The following SHISA9 variants were observed in gnomAD, a reference collection of about 807,000 sequenced individuals.
The protein encoded by SHISA9 is shisa family member 9.
A neutral mutation model predicts 38.0 loss-of-function variants in SHISA9; 13 were observed. That is an observed-to-expected ratio of 0.34 (90% CI 0.22 to 0.54). SHISA9 has a LOEUF of 0.54. SHISA9 is among the 20% of genes least tolerant of loss of function. The pLI, the probability that SHISA9 is intolerant of heterozygous loss-of-function variation, is 0.91. For synonymous variants in SHISA9, 275 were observed against 242.0 expected, an observed-to-expected ratio of 1.14 and a Z score of -1.27; for missense variants, 538 against 575.8, an observed-to-expected ratio of 0.93 and a Z score of 0.67.
At chr16:13,387,153 G>A in the SHISA9 span, among the ~76,000 whole-genome samples, 2 of 152,132 alleles carry the variant, frequency 1.3e-5, no homozygotes, top group Admixed American at 6.5e-5. Context: ...TTTGCAACCA[G>A]CACCATGACT....
At chr16:13,428,404 G>C in the SHISA9 span, among the ~76,000 whole-genome samples, 5 of 152,104 alleles carry the variant, frequency 3.3e-5, no homozygotes, top group Non-Finnish European at 5.9e-5. Flanking sequence ...AGCTGTCAAG[G>C]GCTGGCTTGT....
the SHISA9 span, among the ~76,000 whole-genome samples, chr16:13,512,210 A>G: frequency 6.6e-6 from 1 of 152,172 alleles, no homozygotes; most frequent in African/African-American, 2.4e-5. Context: ...CTAAAATCAC[A>G]GTATCTGATA....
the SHISA9 span, among the ~76,000 whole-genome samples, chr16:13,439,307 C>T: frequency 3.9e-5 from 6 of 152,246 alleles, no homozygotes; most frequent in South Asian, 4.1e-4. Context: ...TAAGGTACAG[C>T]ATGGTGGCTC....
the SHISA9 span, among the ~76,000 whole-genome samples, chr16:13,296,833 G>A: frequency 7.8e-6 from 1 of 128,438 alleles, no homozygotes; most frequent in Non-Finnish European, 1.6e-5. Context: ...GGAGGTTGCA[G>A]TGAGCTGAGA....
chr16:12,916,191 T>G (rs1405385028), intron 1 of SHISA9, among the ~76,000 whole-genome samples: 1 of 152,192 alleles, frequency 6.6e-6, no homozygotes, highest in Non-Finnish European at 1.5e-5. Flanking sequence ...CTTTGTTTAC[T>G]TATCTGCAAG....
chr16:13,559,409 G>C, the SHISA9 span, among the ~76,000 whole-genome samples: 1 of 146,314 alleles, frequency 6.8e-6, no homozygotes, highest in African/African-American at 2.6e-5. Flanking sequence ...AGACATTCTC[G>C]CTCTGTCACC....
chr16:13,180,625 G>A (rs2142030589), intron 2 of SHISA9, among the ~76,000 whole-genome samples: 1 of 152,280 alleles, frequency 6.6e-6, no homozygotes, highest in Non-Finnish European at 1.5e-5. Context: ...TTGAACCCAG[G>A]AGTTTGAGGC....
At chr16:12,950,393 T>TC (rs1452283378) in intron 2 of SHISA9, among the ~76,000 whole-genome samples, 3 of 152,122 alleles carry the variant, frequency 2.0e-5, no homozygotes, top group Non-Finnish European at 4.4e-5. Flanking sequence ...GCAGTGGGAT[T>TC]CCCCCGGGAA....
At chr16:13,432,306 T>C in the SHISA9 span, among the ~76,000 whole-genome samples, 1 of 152,300 alleles carries the variant, frequency 6.6e-6, no homozygotes, top group Admixed American at 6.5e-5. Context: ...CCAGGAACAC[T>C]GGGCAGGTGA....
At chr16:13,526,649 G>C in the SHISA9 span, among the ~76,000 whole-genome samples, 1 of 152,148 alleles carries the variant, frequency 6.6e-6, no homozygotes, top group African/African-American at 2.4e-5. Context: ...GCCTCCCAAA[G>C]TGCTGGGATT....
At chr16:13,132,167 G>A (rs2050311822) in intron 2 of SHISA9, among the ~76,000 whole-genome samples, 2 of 152,248 alleles carry the variant, frequency 1.3e-5, no homozygotes, top group African/African-American at 2.4e-5. Flanking sequence ...GCAGACAATC[G>A]AGGTGTGAAT....
the SHISA9 span, among the ~76,000 whole-genome samples, chr16:13,414,067 A>T: frequency 1.3e-5 from 2 of 152,138 alleles, no homozygotes; most frequent in African/African-American, 4.8e-5. Context: ...AGTCCTTCTG[A>T]TGGTCTTTTC....
the SHISA9 span, among the ~76,000 whole-genome samples, chr16:13,394,928 GGT>G: frequency 0.09 from 12,511 of 139,320 alleles, 545 homozygotes; most frequent in African/African-American, 0.12. Context: ...CAGTATCTGG[GGT>G]GTGTGTGTGT....
At chr16:13,063,170 C>T (rs2073396071) in intron 2 of SHISA9, among the ~76,000 whole-genome samples, 1 of 152,100 alleles carries the variant, frequency 6.6e-6, no homozygotes, top group Non-Finnish European at 1.5e-5. Context: ...CCACACCCGG[C>T]TACATTTTTG....
the SHISA9 span, among the ~76,000 whole-genome samples, chr16:13,482,289 C>T: frequency 2.0e-5 from 3 of 152,244 alleles, no homozygotes; most frequent in Non-Finnish European, 4.4e-5. Flanking sequence ...GTCTTGCAGC[C>T]TTCTCCATAC....
intron 2 of SHISA9, among the ~76,000 whole-genome samples, chr16:13,064,390 C>T (rs1193264985): frequency 6.6e-6 from 1 of 152,128 alleles, no homozygotes; most frequent in African/African-American, 2.4e-5. Flanking sequence ...GAATAGAACA[C>T]ATGAGATCAG....
intron 2 of SHISA9, among the ~76,000 whole-genome samples, chr16:13,088,385 A>G (rs2073737361): frequency 6.6e-6 from 1 of 152,188 alleles, no homozygotes; most frequent in Non-Finnish European, 1.5e-5. Context: ...ACGGCATTTA[A>G]TCTATAAATT....
chr16:13,046,420 C>T (rs1013865437), intron 2 of SHISA9, among the ~76,000 whole-genome samples: 5 of 149,358 alleles, frequency 3.3e-5, no homozygotes, highest in Admixed American at 6.7e-5. Context: ...CTTGGGCCTG[C>T]CCTGGGGAAA....
intron 2 of SHISA9, among the ~76,000 whole-genome samples, chr16:13,096,445 G>A (rs146557044): frequency 5.0e-4 from 76 of 152,316 alleles, no homozygotes; most frequent in African/African-American, 1.8e-3. Context: ...GTAGGCTCTT[G>A]TGGGGCACAG....
Sources: allele counts gnomAD v4.1 joint callset (sites outside exome capture counted in the v4.1 genomes callset), GRCh38; gene constraint gnomAD v4.1.1; transcripts MANE v1.5; gene names NCBI Gene and HGNC (gene_info 2026-07-23, HGNC 2026-07-21).